Variants in SORCS1 observed in about 807,000 individuals in gnomAD.
The protein encoded by SORCS1 is sortilin related VPS10 domain containing receptor 1.
A neutral mutation model predicts 146.1 loss-of-function variants in SORCS1; 60 were observed. The observed-to-expected ratio is 0.41, with a 90% CI of 0.33 to 0.51. The LOEUF (loss-of-function observed/expected upper bound fraction) is 0.51, where lower values mean the gene tolerates loss of function less well. SORCS1 is among the 20% of genes least tolerant of loss of function. SORCS1 has a pLI of 0.21. For missense variants in SORCS1, 1,352 were observed against 1,487.6 expected (o/e 0.91, Z 1.50); for synonymous variants, 637 against 584.0 (o/e 1.09, Z -1.31).
intron 1 of SORCS1, among the ~76,000 whole-genome samples, chr10:107,033,168 G>T (rs1958743418): frequency 6.6e-6 from 1 of 152,148 alleles, no homozygotes; most frequent in African/African-American, 2.4e-5. Context: ...CTCACAGCCA[G>T]CAGGAAAGAG....
intron 1 of SORCS1, among the ~76,000 whole-genome samples, chr10:107,041,299 A>G (rs1206950307): frequency 6.6e-6 from 1 of 151,992 alleles, no homozygotes; most frequent in Non-Finnish European, 1.5e-5. Context: ...GCATTTGATG[A>G]TGTTGTCTAT....
At chr10:106,961,982 C>A (rs1285627619) in intron 1 of SORCS1, among the ~76,000 whole-genome samples, 1 of 152,130 alleles carries the variant, frequency 6.6e-6, no homozygotes, top group Non-Finnish European at 1.5e-5. Flanking sequence ...AGTCAAGAAC[C>A]CTCCCAAGCT....
intron 1 of SORCS1, among the ~76,000 whole-genome samples, chr10:107,153,636 A>G (rs893563349): frequency 1.3e-5 from 2 of 152,240 alleles, no homozygotes; most frequent in Non-Finnish European, 1.5e-5. Context: ...CCTGGACAGC[A>G]GACTGTCTCC....
At chr10:106,939,112 T>C (rs1294341082) in intron 2 of SORCS1, among the ~76,000 whole-genome samples, 2 of 152,124 alleles carry the variant, frequency 1.3e-5, no homozygotes, top group African/African-American at 4.8e-5. Flanking sequence ...AGAAAAATAA[T>C]CTAGGAAACT....
chr10:106,998,139 C>A (rs928822167), intron 1 of SORCS1, among the ~76,000 whole-genome samples: 1 of 152,220 alleles, frequency 6.6e-6, no homozygotes, highest in Non-Finnish European at 1.5e-5. Context: ...CTAATACATA[C>A]ATTCACATGT....
chr10:106,959,977 T>G (rs1398997937), intron 1 of SORCS1, among the ~76,000 whole-genome samples: 1 of 152,226 alleles, frequency 6.6e-6, no homozygotes, highest in Admixed American at 6.5e-5. Flanking sequence ...TGAACACATA[T>G]ACATCTCAAA....
At position 106,922,114 on chromosome 10, in the gene SORCS1, G is replaced by A. The variant is rs543694700; in HGVS notation, c.626+34399C>T. ...TTGAGCAGACAGGTCTCCTCAGGTG[G>A]TGAACAAAGCTTACATTAGAGCTTA... On this transcript the variant is annotated intron_variant, in intron 2 of 25. Coordinates refer to ENST00000263054, the MANE Select transcript of SORCS1 (RefSeq NM_052918.5). Among the ~76,000 whole-genome samples, 38 of 152,330 alleles carry A rather than the reference G, an allele frequency of 2.5e-4. No individual in the cohort carries two copies. The South Asian group carries it at 7.7e-3, about 31-fold the overall frequency.
At chr10:107,021,384 G>A (rs1958124416) in intron 1 of SORCS1, among the ~76,000 whole-genome samples, 1 of 151,136 alleles carries the variant, frequency 6.6e-6, no homozygotes, top group South Asian at 2.1e-4. Flanking sequence ...CATGGTGGCG[G>A]GTGCCTGTAG....
At chr10:107,129,039 A>G (rs1372717484) in intron 1 of SORCS1, among the ~76,000 whole-genome samples, 3 of 152,252 alleles carry the variant, frequency 2.0e-5, no homozygotes, top group Non-Finnish European at 4.4e-5. Flanking sequence ...CTGAGCACAA[A>G]CTCGTACAAA....
chr10:106,720,086 ACT>A (rs1202720113), intron 6 of SORCS1, among the ~76,000 whole-genome samples: 1 of 151,634 alleles, frequency 6.6e-6, no homozygotes, highest in African/African-American at 2.4e-5. Flanking sequence ...TATTCTCCCT[ACT>A]CTGTTTTTCT....
At chr10:107,053,635 CACT>C (rs1960339556) in intron 1 of SORCS1, among the ~76,000 whole-genome samples, 2 of 152,030 alleles carry the variant, frequency 1.3e-5, no homozygotes, top group African/African-American at 2.4e-5. Flanking sequence ...AAATTTTTCC[CACT>C]GAGTTCACTG....
intron 4 of SORCS1, among the ~76,000 whole-genome samples, chr10:106,762,846 C>A (rs1859242628): frequency 6.6e-6 from 1 of 152,134 alleles, no homozygotes. Flanking sequence ...ACTGTCTTAA[C>A]TGAGAACTCA....
chr10:106,825,851 G>A (rs1948281152), intron 3 of SORCS1, among the ~76,000 whole-genome samples: 2 of 152,002 alleles, frequency 1.3e-5, no homozygotes, highest in African/African-American at 2.4e-5. Flanking sequence ...ATATATCAGC[G>A]GCCAGATGCA....
At chr10:106,929,613 G>C (rs1478115446) in intron 2 of SORCS1, among the ~76,000 whole-genome samples, 3 of 152,174 alleles carry the variant, frequency 2.0e-5, no homozygotes, top group South Asian at 2.1e-4. Flanking sequence ...CAGGCTTTCT[G>C]GTTCATTTTC....
intron 1 of SORCS1, among the ~76,000 whole-genome samples, chr10:107,157,954 G>T (rs546568654): frequency 6.6e-6 from 1 of 151,974 alleles, no homozygotes; most frequent in Non-Finnish European, 1.5e-5. Flanking sequence ...ACAAAATAAG[G>T]GACAGTAATT....
chr10:106,712,171 T>A (rs927858038), intron 6 of SORCS1, among the ~76,000 whole-genome samples: 1 of 152,142 alleles, frequency 6.6e-6, no homozygotes, highest in South Asian at 2.1e-4. Context: ...GGAAGATCAG[T>A]CTCAAATCTA....
intron 2 of SORCS1, among the ~76,000 whole-genome samples, chr10:106,833,010 T>C (rs1948622384): frequency 6.6e-6 from 1 of 152,184 alleles, no homozygotes; most frequent in African/African-American, 2.4e-5. Context: ...TGTGTGTGTG[T>C]TTGTGTGGGT....
intron 1 of SORCS1, among the ~76,000 whole-genome samples, chr10:107,028,256 A>G (rs917001090): frequency 1.3e-5 from 2 of 152,232 alleles, no homozygotes; most frequent in Non-Finnish European, 2.9e-5. Flanking sequence ...AAAGCATTAA[A>G]TAGTTTCTCA....
intron 23 of SORCS1, among the ~76,000 whole-genome samples, chr10:106,601,609 A>C (rs184853030): frequency 6.6e-6 from 1 of 152,278 alleles, no homozygotes; most frequent in East Asian, 1.9e-4. Context: ...TGAATGCAGC[A>C]CTCAGAATCA....
Sources: gnomAD v4.1 joint callset for allele counts (sites outside exome capture counted in the v4.1 genomes callset) on GRCh38, gnomAD v4.1.1 for gene constraint, MANE v1.5 for transcripts, NCBI Gene and HGNC (gene_info 2026-07-23, HGNC 2026-07-21) for gene names.